ERI2: variants seen among roughly 807,000 people sequenced by gnomAD.
ERI2 encodes the protein ERI1 exoribonuclease family member 2.
ERI2 carries 35 observed loss-of-function variants against 46.8 expected under a neutral mutation model. The ratio of observed to expected loss-of-function variants is 0.75; its 90% CI spans 0.57 to 0.99. The LOEUF is 0.99. Ranked by LOEUF, ERI2 falls within the 50% of genes least tolerant of loss-of-function variation. The pLI is 0.00. For synonymous variants in ERI2, 224 were observed against 271.0 expected (o/e 0.83, Z 1.70); for missense variants, 695 against 796.2 (o/e 0.87, Z 1.53).
chr16:20,796,652 A>T lies in ERI2; in HGVS notation c.*1072T>A, dbSNP rs2152493864. On this transcript the variant is annotated 3_prime_UTR_variant, in exon 9 of 9. Coordinates refer to ENST00000357967, the MANE Select transcript of ERI2 (RefSeq NM_001142725.2). ...AATCAGAATCTTTGAGATTAAAATG[A>T]AACCCTGAACCTATTTTGTTTGGTC... The T allele has an allele frequency of 6.7e-7, 1 of 1,483,702 alleles. No homozygotes were observed. Among genetic ancestry groups the T allele is most frequent in the East Asian group, 2.5e-5 (1 of 40,436 alleles). 91.9% of individuals were successfully genotyped at this position (1,483,702 alleles called of 1,614,324 possible). A position where few individuals can be genotyped will look rare whatever the true frequency, so the allele number is the denominator to read the frequency against.
chr16:20,786,343 C>T (rs2080474997), intron 10 of ERI2: 3 of 1,236,972 alleles, frequency 2.4e-6, no homozygotes, highest in Non-Finnish European at 3.2e-6. Context: ...CATTATTTTG[C>T]AAATACCCAT....
At chr16:20,785,691 CT>C (rs1240910627) in intron 10 of ERI2, among the ~76,000 whole-genome samples, 1 of 152,068 alleles carries the variant, frequency 6.6e-6, no homozygotes, top group African/African-American at 2.4e-5. Flanking sequence ...GTTGAAAAAA[CT>C]TTTCACAATG....
At chr16:20,800,077 T>C in intron 6 of ERI2, 39 bp from the exon 7 acceptor site, 1 of 1,280,380 alleles carries the variant, frequency 7.8e-7, no homozygotes, top group East Asian at 2.4e-5. Flanking sequence ...AGAAGATTAC[T>C]ATTTTAAAGA....
intron 6 of ERI2, 38 bp downstream of exon 6, chr16:20,800,264 T>C (rs1261288328): frequency 5.0e-6 from 7 of 1,394,866 alleles, no homozygotes; most frequent in East Asian, 2.3e-5. Flanking sequence ...CATTTTTCCA[T>C]AGAAAAAAGT....
chr16:20,781,841 T>C (rs1408119684), intron 10 of ERI2: 5 of 1,375,648 alleles, frequency 3.6e-6, no homozygotes, highest in Non-Finnish European at 4.1e-6. Context: ...AAGAGGAAGC[T>C]ATAAAATAAA....
At position 20,790,450 on chromosome 16, in the gene ERI2, T is replaced by A. The variant is rs2080571750; in HGVS notation, c.815+400A>T. 4.0e-6 allele frequency: 3 copies of A among 758,246 alleles called. No individual in the cohort carries two copies. In the Admixed American group the frequency reaches 8.0e-5, roughly 20 times the overall value. The allele number at this position is 758,246 out of a possible 1,614,324, so 47.0% of individuals were successfully genotyped here. ...CCAGCCTGGGTGACAAAGTGAGACC[T>A]TGTCTCACACACACAAAATTTTTTT... is the stretch of plus-strand genomic sequence containing the variant. On this transcript the variant is annotated intron_variant, in intron 9 of 10. Transcript: ENST00000300005. The surrounding 1 kb of genome is among the most constrained non-coding windows in gnomAD (Gnocchi z 4.0).
intron 10 of ERI2, chr16:20,781,193 T>C: frequency 6.3e-7 from 1 of 1,577,684 alleles, no homozygotes; most frequent in Non-Finnish European, 8.6e-7. Context: ...CTGACAGAAC[T>C]GGTGAATAAA....
At chr16:20,799,468 G>T in intron 7 of ERI2, 117 bp from the exon 8 acceptor site, 1 of 954,732 alleles carries the variant, frequency 1.0e-6, no homozygotes. Context: ...CACAGTTTTA[G>T]TTTTATGACC....
chr16:20,800,247 A>T (rs1379262057), intron 6 of ERI2, 55 bp downstream of exon 6: 1 of 1,250,674 alleles, frequency 8.0e-7, no homozygotes, highest in African/African-American at 1.5e-5. Context: ...GTAGGATAAA[A>T]GTTAATCATT....
chr16:20,785,076 A>T, intron 10 of ERI2: 1 of 1,613,602 alleles, frequency 6.2e-7, no homozygotes, highest in South Asian at 1.1e-5. Context: ...ACGGGCCTGG[A>T]TATCTACGAA....
chr16:20,782,955 G>A (rs2080385583), intron 10 of ERI2, among the ~76,000 whole-genome samples: 1 of 152,196 alleles, frequency 6.6e-6, no homozygotes, highest in African/African-American at 2.4e-5. Flanking sequence ...GGCACGTGGT[G>A]CTCTCCAAAC....
At chr16:20,801,456 A>C (rs1177434666) in intron 4 of ERI2, 97 bp from the exon 5 acceptor site, 3 of 1,323,502 alleles carry the variant, frequency 2.3e-6, no homozygotes, top group Non-Finnish European at 3.0e-6. Context: ...GTTTTAAAAG[A>C]ATCAGAAATG....
intron 10 of ERI2, chr16:20,781,072 A>G: frequency 3.1e-6 from 5 of 1,614,184 alleles, no homozygotes; most frequent in Non-Finnish European, 4.2e-6. Context: ...CCGTGGATCC[A>G]GGGAGCATGT....
chr16:20,791,377 C>A (rs555286070), downstream of ERI2, among the ~76,000 whole-genome samples: 1 of 152,286 alleles, frequency 6.6e-6, no homozygotes, highest in East Asian at 1.9e-4. Context: ...TCTTTTCCTA[C>A]CAGCATTATC....
Position 20,798,544 on chromosome 16 carries a change from G to C in ERI2, c.1256C>G (p.Pro419Arg), listed in dbSNP as rs887482867. The change falls in exon 9 of 9, where the codon CCT becomes CGT. Residue 419 changes from proline (P) to arginine (R), a missense_variant. By Grantham distance (103) the Pro-to-Arg change is moderately radical. Coordinates refer to ENST00000357967, the MANE Select transcript of ERI2 (RefSeq NM_001142725.2). ...EDVVLLPASQ[P>R]EENVDCTVPI... Reference sequence around the variant, plus strand: ...AACTGTACAGTCTACGTTTTCCTCAGGCTGAGATGCTGGCAGTAAAACCAC... The same window carrying C: ...AACTGTACAGTCTACGTTTTCCTCACGCTGAGATGCTGGCAGTAAAACCAC... 1 of 1,551,462 alleles carries C rather than the reference G, an allele frequency of 6.4e-7. No homozygotes were observed. Among genetic ancestry groups the C allele is most frequent in the African/African-American group, 1.4e-5 (1 of 73,032 alleles).
In ERI2 at chr16:20,799,065, A is replaced by G. The variant is rs2152494862; in HGVS notation, c.735T>C (p.Val245=). 1 of 1,502,314 alleles carries G rather than the reference A, an allele frequency of 6.7e-7. No individual in the cohort carries two copies. Among genetic ancestry groups the G allele is most frequent in the Non-Finnish European group, 8.9e-7 (1 of 1,129,770 alleles). The allele number at this position is 1,502,314 out of a possible 1,614,324, so 93.1% of individuals were successfully genotyped here. The change falls in exon 9 of 9, where the codon GTT becomes GTC. Residue 245 remains valine (V), a splice_region_variant and synonymous_variant. Transcript: ENST00000357967. The part of the protein sequence containing the change: ...VMKITRSLNK[V]PTKKNFSILA... ...GAATGCTGAAATTCTTCTTAGTGGG[A>G]ACCTATGATTCCACAGACAAATGCA...
chr16:20,805,196 C>A (rs191810079), intron 1 of ERI2, among the ~76,000 whole-genome samples: 8 of 152,048 alleles, frequency 5.3e-5, no homozygotes, highest in African/African-American at 1.7e-4. Context: ...GAGGTTGAGG[C>A]GGGTGGATCA....
intron 7 of ERI2, 34 bp from the exon 8 acceptor site, chr16:20,799,385 G>A: frequency 1.3e-6 from 2 of 1,591,072 alleles, no homozygotes; most frequent in Non-Finnish European, 1.7e-6. Context: ...TGAATTTAGT[G>A]GTACTAGTAC....
rs1469788681 is a variant in ERI2, at chr16:20,800,035, A to G, written c.565T>C (p.Phe189Leu). 1.3e-6 allele frequency: 2 copies of G among 1,557,302 alleles called. No homozygotes were observed. The highest frequency in any genetic ancestry group is 3.6e-5 in the Admixed American group (2 of 55,864). The change falls in exon 7 of 9, where the codon TTC (phenylalanine) becomes CTC (leucine). Residue 189 changes from phenylalanine (F) to leucine (L), a missense_variant. Phe to Leu is a conservative substitution (Grantham distance 22). Transcript: ENST00000357967. ...AGTCCTTTTGGTTTTCTCCTATAGA[A>G]AAGCTAACCAATAAAAAAAGATATA... The part of the protein sequence containing the change: ...WIDLRATYKL[F>L]YRRKPKGLSG...
Sources: allele counts gnomAD v4.1 joint callset (sites outside exome capture counted in the v4.1 genomes callset), GRCh38; gene constraint gnomAD v4.1.1; non-coding constraint Gnocchi (gnomAD v3.1); transcripts MANE v1.5; gene names NCBI Gene and HGNC (gene_info 2026-07-23, HGNC 2026-07-21).